EPB41L3: variants seen among roughly 807,000 people sequenced by gnomAD.
EPB41L3 encodes band 4.1-like protein 3.
Under a neutral mutation model 127.1 loss-of-function variants are expected in EPB41L3, and 57 were observed. The ratio of observed to expected loss-of-function variants is 0.45; its 90% CI spans 0.36 to 0.56. EPB41L3 has a LOEUF of 0.56. Ranked by LOEUF, EPB41L3 falls within the 20% of genes least tolerant of loss-of-function variation. EPB41L3 has a pLI of 0.00. For missense variants in EPB41L3, 1,273 were observed against 1,372.2 expected (o/e 0.93, Z 1.14); for synonymous variants, 572 against 549.5 (o/e 1.04, Z -0.57).
intron 13 of EPB41L3, among the ~76,000 whole-genome samples, chr18:5,412,965 T>C (rs779435822): frequency 4.6e-5 from 7 of 152,160 alleles, no homozygotes; most frequent in Admixed American, 6.6e-5. Flanking sequence ...ATATAAAATT[T>C]CTTGAATTCC....
intron 1 of EPB41L3, among the ~76,000 whole-genome samples, chr18:5,615,164 A>G (rs2094778308): frequency 6.6e-6 from 1 of 152,194 alleles, no homozygotes; most frequent in South Asian, 2.1e-4. Flanking sequence ...GAGAAAAAAA[A>G]AGCACAAAAT....
intron 9 of EPB41L3, 89 bp from the exon 10 acceptor site, chr18:5,424,448 C>T: frequency 9.6e-7 from 1 of 1,041,736 alleles, no homozygotes; most frequent in Non-Finnish European, 1.4e-6. Flanking sequence ...ATGATGCCAC[C>T]AGAATTTTAA....
intron 3 of EPB41L3, among the ~76,000 whole-genome samples, chr18:5,463,155 T>C (rs1309460134): frequency 2.0e-5 from 3 of 152,228 alleles, no homozygotes; most frequent in African/African-American, 7.2e-5. Flanking sequence ...CAGCATCTCC[T>C]GCCTGGTTCT....
intron 1 of EPB41L3, among the ~76,000 whole-genome samples, chr18:5,490,033 C>T (rs1300446619): frequency 6.6e-6 from 1 of 152,210 alleles, no homozygotes; most frequent in Non-Finnish European, 1.5e-5. Context: ...GCCTCAGTTT[C>T]CACATGTGCC....
Position 5,396,189 on chromosome 18 carries a change from A to C in EPB41L3, c.2973+12T>G. 6.2e-7 allele frequency: 1 copy of C among 1,614,092 alleles called. No individual in the cohort carries two copies. The highest frequency in any genetic ancestry group is 8.5e-7 in the Non-Finnish European group (1 of 1,179,918). On this transcript the variant is annotated intron_variant, in intron 19 of 22. Transcript: ENST00000341928. ...AAGCAGCCAGGGCTCTGGTCTTCAC[A>C]GAATATCTCACCTGTGATGATTCAT...
intron 3 of EPB41L3, among the ~76,000 whole-genome samples, chr18:5,600,426 C>T (rs759153500): frequency 2.0e-5 from 3 of 152,146 alleles, no homozygotes; most frequent in Non-Finnish European, 4.4e-5. Context: ...GTATAAATCA[C>T]ATGAATGATC....
At chr18:5,608,608 A>G (rs2094690174) in intron 3 of EPB41L3, among the ~76,000 whole-genome samples, 2 of 152,182 alleles carry the variant, frequency 1.3e-5, no homozygotes, top group Non-Finnish European at 2.9e-5. Flanking sequence ...ACAGATGGAA[A>G]ATTCACAAGA....
chr18:5,554,725 G>A (rs1255039759), intron 3 of EPB41L3, among the ~76,000 whole-genome samples: 2 of 152,152 alleles, frequency 1.3e-5, no homozygotes, highest in African/African-American at 2.4e-5. Flanking sequence ...AACACCAGGG[G>A]CAATTTAATA....
chr18:5,611,498 A>G (rs746081308), intron 3 of EPB41L3, among the ~76,000 whole-genome samples: 12 of 152,232 alleles, frequency 7.9e-5, no homozygotes, highest in Non-Finnish European at 1.6e-4. Flanking sequence ...GTTAATGTGT[A>G]GAGTTTCAGT....
intron 1 of EPB41L3, among the ~76,000 whole-genome samples, chr18:5,516,800 T>G (rs911342678): frequency 6.6e-6 from 1 of 152,194 alleles, no homozygotes; most frequent in Non-Finnish European, 1.5e-5. Context: ...AATCTGCTGA[T>G]CAGAACAGTT....
chr18:5,440,884 T>A (rs534111214), intron 5 of EPB41L3, among the ~76,000 whole-genome samples: 166 of 152,188 alleles, frequency 1.1e-3, no homozygotes, highest in African/African-American at 3.7e-3. Flanking sequence ...GTTTCAAAAT[T>A]TTGTTTTTTA....
At chr18:5,564,719 T>A (rs2094176107) in intron 3 of EPB41L3, among the ~76,000 whole-genome samples, 1 of 152,160 alleles carries the variant, frequency 6.6e-6, no homozygotes, top group African/African-American at 2.4e-5. Flanking sequence ...TTCATCTCAG[T>A]GCCCAAGGAA....
At position 5,576,390 on chromosome 18, in the gene EPB41L3, G is replaced by A. The variant is rs150833566; in HGVS notation, c.-306+35950C>T. ...GGTTCCTGTCCAGACATTGACCCTCGTCCCTCAGGATGAGGCAGGTGACAC... is the reference window on the plus strand; with the variant it reads ...GGTTCCTGTCCAGACATTGACCCTCATCCCTCAGGATGAGGCAGGTGACAC... On this transcript the variant is annotated intron_variant, in intron 3 of 21. Coordinates refer to the EPB41L3 transcript ENST00000545076. Among the ~76,000 whole-genome samples, 1,269 of 152,218 alleles carry A rather than the reference G, an allele frequency of 8.3e-3. 7 individuals are homozygous for A. The highest frequency in any genetic ancestry group is 0.016 in the Admixed American group (239 of 15,296).
upstream of EPB41L3, among the ~76,000 whole-genome samples, chr18:5,629,242 G>C (rs2094959353): frequency 6.6e-6 from 1 of 152,078 alleles, no homozygotes; most frequent in South Asian, 2.1e-4. Flanking sequence ...CGTTGGTCGT[G>C]GGGGTACCGG....
chr18:5,485,057 T>C (rs2089493242), intron 2 of EPB41L3, among the ~76,000 whole-genome samples: 1 of 151,800 alleles, frequency 6.6e-6, no homozygotes, highest in Non-Finnish European at 1.5e-5. Context: ...CAGGCCAATA[T>C]CACTGATGAA....
chr18:5,612,240 C>A (rs1264736323), intron 3 of EPB41L3: 4 of 152,170 alleles, frequency 2.6e-5, no homozygotes, highest in Non-Finnish European at 4.4e-5. Flanking sequence ...AAAAAGCTGC[C>A]TAGCATTAAT....
At chr18:5,617,196 A>G (rs2094805260) in intron 1 of EPB41L3, among the ~76,000 whole-genome samples, 1 of 152,208 alleles carries the variant, frequency 6.6e-6, no homozygotes, top group Non-Finnish European at 1.5e-5. Flanking sequence ...ACCATATTTT[A>G]TTCACATTTA....
At chr18:5,419,155 A>C (rs1598701447) in intron 12 of EPB41L3, among the ~76,000 whole-genome samples, 1 of 152,222 alleles carries the variant, frequency 6.6e-6, no homozygotes, top group Non-Finnish European at 1.5e-5. Flanking sequence ...TGAAAGAAGA[A>C]GCTGCTGCCA....
At chr18:5,557,437 G>A (rs1418652445) in intron 3 of EPB41L3, among the ~76,000 whole-genome samples, 1 of 152,162 alleles carries the variant, frequency 6.6e-6, no homozygotes, top group Non-Finnish European at 1.5e-5. Context: ...AGACTGGAGT[G>A]CAGTGGCACA....
Sources: gnomAD v4.1 joint callset for allele counts (sites outside exome capture counted in the v4.1 genomes callset) on GRCh38, gnomAD v4.1.1 for gene constraint, MANE v1.5 for transcripts, NCBI Gene and HGNC (gene_info 2026-07-23, HGNC 2026-07-21) for gene names.